The following ACSM2A variants were observed in gnomAD, a reference collection of about 807,000 sequenced individuals.
ACSM2A encodes the protein acyl-coenzyme A synthetase ACSM2A, mitochondrial.
ACSM2A carries 72 observed loss-of-function variants against 76.6 expected under a neutral mutation model. The ratio of observed to expected loss-of-function variants is 0.94; its 90% CI spans 0.78 to 1.14. The LOEUF is 1.14. Among genes scored for constraint, ACSM2A ranks in the 50% most tolerant of loss-of-function variants. ACSM2A has a pLI of 0.00. For synonymous variants in ACSM2A, 249 were observed against 255.9 expected, an observed-to-expected ratio of 0.97 and a Z score of 0.26; for missense variants, 684 against 708.5, an observed-to-expected ratio of 0.97 and a Z score of 0.39.
At chr16:20,469,745 G>A in intron 4 of ACSM2A, 26 bp downstream of exon 4, 1 of 1,613,172 alleles carries the variant, frequency 6.2e-7, no homozygotes, top group Non-Finnish European at 8.5e-7. Flanking sequence ...TCTCAGCCTG[G>A]GTTTTAACTA....
chr16:20,482,395 C>T (rs971905595), intron 12 of ACSM2A: 1 of 152,096 alleles, frequency 6.6e-6, no homozygotes, highest in East Asian at 1.9e-4. Context: ...CCCTATAAAG[C>T]CAGGCTTATA....
intron 2 of ACSM2A, among the ~76,000 whole-genome samples, chr16:20,461,279 C>G (rs1364838236): frequency 1.3e-5 from 2 of 149,454 alleles, no homozygotes; most frequent in Admixed American, 1.3e-4. Flanking sequence ...GAAGACGGCC[C>G]TAGGTGTGGG....
At chr16:20,470,151 G>A (rs2013295511) in intron 4 of ACSM2A, among the ~76,000 whole-genome samples, 1 of 152,096 alleles carries the variant, frequency 6.6e-6, no homozygotes, top group East Asian at 1.9e-4. Context: ...TGAATCACTT[G>A]TGATGCACAC....
In ACSM2A at chr16:20,451,537, C is replaced by T. The variant is rs1596631505; in HGVS notation, c.-153C>T. 1 of 151,764 alleles carries T rather than the reference C, an allele frequency of 6.6e-6. No homozygotes were observed. Among genetic ancestry groups the T allele is most frequent in the East Asian group, 1.9e-4 (1 of 5,130 alleles). The allele number at this position is 151,764 out of a possible 1,614,324, so 9.4% of individuals were successfully genotyped here. On this transcript the variant is annotated 5_prime_UTR_variant, in exon 1 of 14. Transcript: ENST00000573854. Reference sequence around the variant, plus strand: ...TCCACTGTCAATGATTAGCTGAGCTCTCTTTCTGACAGTGCAGGGATTCTG... The same window carrying T: ...TCCACTGTCAATGATTAGCTGAGCTTTCTTTCTGACAGTGCAGGGATTCTG...
chr16:20,465,975 C>G (rs1332383571), intron 3 of ACSM2A, among the ~76,000 whole-genome samples: 2 of 152,088 alleles, frequency 1.3e-5, no homozygotes, highest in African/African-American at 4.8e-5. Context: ...GGAGAAAGCT[C>G]TTAAACTATT....
In ACSM2A at chr16:20,461,506, C is replaced by A. The variant is rs189589546; in HGVS notation, c.177+1215C>A. 9.2e-5 allele frequency among the ~76,000 whole-genome samples: 14 copies of A among 152,140 alleles called. No homozygotes were observed. The East Asian group carries it at 2.7e-3, about 29-fold the overall frequency. On this transcript the variant is annotated intron_variant, in intron 2 of 13. Transcript: ENST00000573854. ...AAAATATTTCCATTCACAAATAACACCATTAGCAAAATAAATGACTAATGA... is the reference window on the plus strand; with the variant it reads ...AAAATATTTCCATTCACAAATAACAACATTAGCAAAATAAATGACTAATGA...
chr16:20,475,685 T>C lies in ACSM2A; in HGVS notation c.1010T>C (p.Val337Ala), dbSNP rs4586421. 3 of 1,613,988 alleles carry C rather than the reference T, an allele frequency of 1.9e-6. No individual in the cohort carries two copies. The highest frequency in any genetic ancestry group is 1.7e-5 in the Admixed American group (1 of 60,004). The change falls in exon 8 of 14, where the codon GTA (valine) becomes GCA (alanine). Residue 337 changes from valine (V) to alanine (A), a missense_variant. Transcript: ENST00000573854. Reference sequence around the variant, plus strand: ...CCCCATCTACAGAACTGCGTCACTGTAGGGGAGTCCCTTCTTCCAGAAACT... The same window carrying C: ...CCCCATCTACAGAACTGCGTCACTGCAGGGGAGTCCCTTCTTCCAGAAACT... ...KFPHLQNCVT[V>A]GESLLPETLE... is the part of the protein sequence containing the mutation.
chr16:20,454,956 C>T lies in ACSM2A; in HGVS notation c.-9+3275C>T, dbSNP rs111275354. Among the ~76,000 whole-genome samples, 1,476 of 150,396 alleles carry T rather than the reference C, an allele frequency of 9.8e-3. 24 individuals carry two copies. The highest frequency in any genetic ancestry group is 0.043 in the South Asian group (206 of 4,738). On this transcript the variant is annotated intron_variant, in intron 1 of 13. Coordinates refer to ENST00000573854, the MANE Select transcript of ACSM2A (RefSeq NM_001308172.2). ...AATCTTCAGTGAAATAGATAGCATACATAAAACAATCATAACTTTAGGAAA... is the reference window on the plus strand; with the variant it reads ...AATCTTCAGTGAAATAGATAGCATATATAAAACAATCATAACTTTAGGAAA...
chr16:20,465,567 G>A lies in ACSM2A; in HGVS notation c.228G>A (p.Gly76=), dbSNP rs143192616. ...SPALWWVNGK[G]KELMWNFREL... is the part of the protein sequence containing the mutation. ...CCCTGTGGTGGGTGAATGGGAAGGG[G>A]AAGGAATTAATGTGGAATTTCAGAG... The change falls in exon 3 of 14, where the codon GGG becomes GGA. Residue 76 remains glycine, a synonymous_variant. Coordinates refer to ENST00000573854, the MANE Select transcript of ACSM2A (RefSeq NM_001308172.2). 196 of 1,613,968 alleles carry A rather than the reference G, an allele frequency of 1.2e-4. No individual in the cohort carries two copies. In the African/African-American group the frequency reaches 2.4e-3, roughly 20 times the overall value.
At chr16:20,476,834 A>C in intron 8 of ACSM2A, 1 of 476,604 alleles carries the variant, frequency 2.1e-6, no homozygotes, top group Non-Finnish European at 2.8e-6. Flanking sequence ...GTTCAAGCAG[A>C]ACTGGTGCTG....
At chr16:20,463,930 T>C (rs2012795402) in intron 2 of ACSM2A, among the ~76,000 whole-genome samples, 1 of 152,168 alleles carries the variant, frequency 6.6e-6, no homozygotes, top group African/African-American at 2.4e-5. Flanking sequence ...AAATCTTGAA[T>C]GCTCTGTTGC....
chr16:20,461,658 G>A (rs1382934144), intron 2 of ACSM2A, among the ~76,000 whole-genome samples: 5 of 152,072 alleles, frequency 3.3e-5, no homozygotes, highest in Non-Finnish European at 7.4e-5. Flanking sequence ...TGAACAGATA[G>A]TTCACAAAAA....
chr16:20,462,046 G>C (rs1328871192), intron 2 of ACSM2A, among the ~76,000 whole-genome samples: 1 of 152,172 alleles, frequency 6.6e-6, no homozygotes, highest in Non-Finnish European at 1.5e-5. Context: ...TCAGTTCCTT[G>C]CTGTAGAATC....
Position 20,469,678 on chromosome 16 carries a change from G to A in ACSM2A, c.555G>A (p.Glu185=), listed in dbSNP as rs747963706. 1.2e-6 allele frequency: 2 copies of A among 1,613,854 alleles called. No individual in the cohort carries two copies. Among genetic ancestry groups the A allele is most frequent in the Non-Finnish European group, 1.7e-6 (2 of 1,179,808 alleles). ...TGAGAATTAAGCTACTGGTGTCTGA[G>A]AAAAGCTGTGATGGGTGGCTGAACT... ...PSLRIKLLVS[E]KSCDGWLNFK... is the part of the protein sequence containing the mutation. The change falls in exon 4 of 14, where the codon GAG becomes GAA. Residue 185 remains glutamate, a synonymous_variant. Coordinates refer to ENST00000573854, the MANE Select transcript of ACSM2A (RefSeq NM_001308172.2).
chr16:20,461,698 A>T (rs1327408143), intron 2 of ACSM2A, among the ~76,000 whole-genome samples: 1 of 152,142 alleles, frequency 6.6e-6, no homozygotes, highest in Non-Finnish European at 1.5e-5. Flanking sequence ...TAAATATAAA[A>T]ATTTCTCACC....
chr16:20,475,075 G>A (rs2013651261), intron 6 of ACSM2A, among the ~76,000 whole-genome samples: 2 of 152,150 alleles, frequency 1.3e-5, no homozygotes, highest in South Asian at 4.1e-4. Context: ...GTTAACGAGG[G>A]CAAGTCTTAA....
chr16:20,476,749 A>T, intron 8 of ACSM2A: 1 of 1,017,118 alleles, frequency 9.8e-7, no homozygotes, highest in East Asian at 8.8e-5. Context: ...AGATCTGAGA[A>T]AATGACAATC....
In ACSM2A at chr16:20,471,780, T is replaced by C. The variant is rs2141727595; in HGVS notation, c.894+91T>C. On this transcript the variant is annotated intron_variant, in intron 6 of 13. Transcript: ENST00000573854. ...TTGTAGTTTGTTTCAATTCATCTAA[T>C]TTTTGCTAAACCCCTGCCATGTGGT... 12 of 1,542,344 alleles carry C rather than the reference T, an allele frequency of 7.8e-6. No individual in the cohort carries two copies. The East Asian group carries it at 9.1e-5, about 12-fold the overall frequency.
chr16:20,482,903 T>C (rs574939471), intron 12 of ACSM2A, 155 bp from the exon 13 acceptor site: 2 of 1,252,014 alleles, frequency 1.6e-6, no homozygotes, highest in African/African-American at 1.5e-5. Flanking sequence ...ACCTCATTCA[T>C]GTCCCCAGTT....
Sources: allele counts gnomAD v4.1 joint callset (sites outside exome capture counted in the v4.1 genomes callset), GRCh38; gene constraint gnomAD v4.1.1; transcripts MANE v1.5; gene names NCBI Gene and HGNC (gene_info 2026-07-23, HGNC 2026-07-21).